FLI1: variants seen among roughly 807,000 people sequenced by gnomAD.
FLI1 encodes the protein Friend leukemia integration 1 transcription factor.
FLI1 carries 13 observed loss-of-function variants against 53.1 expected under a neutral mutation model. That is an observed-to-expected ratio of 0.24 (90% CI 0.16 to 0.39). The LOEUF (loss-of-function observed/expected upper bound fraction) is 0.39, where lower values mean the gene tolerates loss of function less well. Among genes scored for constraint, FLI1 ranks in the 10% least tolerant of loss-of-function variants. FLI1 has a pLI of 1.00. For synonymous variants in FLI1, 244 were observed against 236.7 expected, an observed-to-expected ratio of 1.03 and a Z score of -0.28; for missense variants, 424 against 600.5, an observed-to-expected ratio of 0.71 and a Z score of 3.07.
At chr11:128,754,277 G>GCA (rs1591783128) in intron 1 of FLI1, among the ~76,000 whole-genome samples, 1 of 142,748 alleles carries the variant, frequency 7.0e-6, no homozygotes, top group South Asian at 2.2e-4. Flanking sequence ...GTGTGTGTGT[G>GCA]CACATATGCA....
chr11:128,807,930 C>T (rs1942828974), intron 7 of FLI1, among the ~76,000 whole-genome samples: 1 of 152,142 alleles, frequency 6.6e-6, no homozygotes, highest in African/African-American at 2.4e-5. Context: ...GTGCCCAAGC[C>T]CCAGCTCCTC....
At chr11:128,790,252 C>CTT (rs1942230081) in intron 5 of FLI1, among the ~76,000 whole-genome samples, 2 of 107,164 alleles carry the variant, frequency 1.9e-5, no homozygotes. Flanking sequence ...CGGAGAGTTG[C>CTT]ATTTTTTTTT....
chr11:128,744,365 G>A (rs1291837061), intron 1 of FLI1, among the ~76,000 whole-genome samples: 1 of 152,142 alleles, frequency 6.6e-6, no homozygotes, highest in Non-Finnish European at 1.5e-5. Context: ...TTATGTAGTA[G>A]GTAAAGAAAT....
At chr11:128,686,961 C>T (rs1186698965) in intron 1 of FLI1, 1 of 160,160 alleles carries the variant, frequency 6.2e-6, no homozygotes, top group Non-Finnish European at 1.4e-5. Flanking sequence ...GAAGCCTGTG[C>T]AGGAAGACCG....
rs142811349 is a variant in FLI1 at position 128,730,576 on chromosome 11, C to T, written c.19-27539C>T. ...ACATGTTTTCATTTCTTTTTGAAGGCTTCCCTTTGAGAACAAAGGTGGTCT... is the reference window on the plus strand; with the variant it reads ...ACATGTTTTCATTTCTTTTTGAAGGTTTCCCTTTGAGAACAAAGGTGGTCT... On this transcript the variant is annotated intron_variant, in intron 1 of 8. Transcript: ENST00000527786. Among the ~76,000 whole-genome samples, 5 of 152,328 alleles carry T rather than the reference C, an allele frequency of 3.3e-5. No homozygotes were observed. The East Asian group carries it at 9.6e-4, about 29-fold the overall frequency.
intron 1 of FLI1, among the ~76,000 whole-genome samples, chr11:128,734,044 A>T (rs1038309095): frequency 6.6e-6 from 1 of 152,212 alleles, no homozygotes; most frequent in African/African-American, 2.4e-5. Flanking sequence ...GCTTCCCCAG[A>T]GCGCCCAGGG....
chr11:128,730,422 G>A (rs1371596071), intron 1 of FLI1, among the ~76,000 whole-genome samples: 7 of 152,200 alleles, frequency 4.6e-5, no homozygotes, highest in African/African-American at 1.4e-4. Flanking sequence ...GCTGGGTAAG[G>A]AGCAAATCGG....
intron 1 of FLI1, among the ~76,000 whole-genome samples, chr11:128,696,471 G>A (rs982170373): frequency 1.3e-5 from 2 of 152,120 alleles, no homozygotes; most frequent in African/African-American, 4.8e-5. Context: ...GCATTCTTCT[G>A]CTCTCTTGGT....
At chr11:128,726,275 AC>A (rs1025242085) in intron 1 of FLI1, among the ~76,000 whole-genome samples, 2 of 151,786 alleles carry the variant, frequency 1.3e-5, no homozygotes, top group Non-Finnish European at 2.9e-5. Context: ...ACTCCCGATT[AC>A]ACATTAAGAC....
intron 5 of FLI1, among the ~76,000 whole-genome samples, chr11:128,795,899 T>A (rs1222948145): frequency 6.6e-6 from 1 of 152,236 alleles, no homozygotes; most frequent in Non-Finnish European, 1.5e-5. Flanking sequence ...AAAAGATCCC[T>A]GTGAGGATCC....
chr11:128,800,579 T>C (rs1330462759), intron 5 of FLI1, among the ~76,000 whole-genome samples: 3 of 152,188 alleles, frequency 2.0e-5, no homozygotes, highest in Admixed American at 1.3e-4. Flanking sequence ...GGTATGTCTA[T>C]GAGAGGGTCA....
At chr11:128,693,885 G>A (rs1363605296), upstream of FLI1, 14 of 259,128 alleles carry the variant, frequency 5.4e-5, no homozygotes, top group African/African-American at 3.1e-4. Flanking sequence ...GGGGTGTGGG[G>A]GGGGAGGGAA....
intron 1 of FLI1, among the ~76,000 whole-genome samples, chr11:128,755,419 T>A (rs1940821184): frequency 6.6e-6 from 1 of 152,220 alleles, no homozygotes; most frequent in South Asian, 2.1e-4. Flanking sequence ...GTGGTACATG[T>A]TCTTCACTCT....
At chr11:128,784,220 TCTCCTCCTCCTCCTCCTCCTCCTCCTC>T (rs61050928) in intron 5 of FLI1, among the ~76,000 whole-genome samples, 91 of 117,978 alleles carry the variant, frequency 7.7e-4, no homozygotes, top group African/African-American at 2.1e-3. Context: ...TTGCTAACCA[TCTCCTCCTCCTCCTCCTCCTCCTCCTC>T]CTCCTCCTCC....
chr11:128,809,892 T>C (rs887500855), intron 8 of FLI1, among the ~76,000 whole-genome samples: 1 of 152,170 alleles, frequency 6.6e-6, no homozygotes, highest in East Asian at 1.9e-4. Context: ...TTTTTCTCTC[T>C]GCACAAGTTC....
At chr11:128,692,030 T>G (rs1937760261), upstream of FLI1, 1 of 151,376 alleles carries the variant, frequency 6.6e-6, no homozygotes, top group Non-Finnish European at 1.5e-5. Flanking sequence ...GTGGCTGGGG[T>G]GTGCGGGTTT....
chr11:128,688,421 G>T (rs1299487152), intron 1 of FLI1, among the ~76,000 whole-genome samples: 1 of 152,222 alleles, frequency 6.6e-6, no homozygotes. Context: ...CGAAAGGTCT[G>T]CGTGGCAGGG....
intron 1 of FLI1, among the ~76,000 whole-genome samples, chr11:128,728,551 G>C (rs1358730886): frequency 2.0e-5 from 3 of 152,196 alleles, no homozygotes; most frequent in Non-Finnish European, 4.4e-5. Flanking sequence ...AAATCTCCCT[G>C]AGGCAGGTTC....
At chr11:128,703,531 C>T (rs1938424063) in intron 1 of FLI1, among the ~76,000 whole-genome samples, 1 of 152,090 alleles carries the variant, frequency 6.6e-6, no homozygotes, top group African/African-American at 2.4e-5. Context: ...TATATTATTA[C>T]ATGGAAAAAA....
Sources: allele counts gnomAD v4.1 joint callset (sites outside exome capture counted in the v4.1 genomes callset), GRCh38; gene constraint gnomAD v4.1.1; transcripts MANE v1.5; gene names NCBI Gene and HGNC (gene_info 2026-07-23, HGNC 2026-07-21).